RIMBP2: variants seen among roughly 807,000 people sequenced by gnomAD.
The protein encoded by RIMBP2 is RIMS-binding protein 2.
In RIMBP2, 48 loss-of-function variants were observed where a neutral mutation model predicts 118.6. The observed-to-expected ratio is 0.40, with a 90% CI of 0.32 to 0.51. The LOEUF (loss-of-function observed/expected upper bound fraction) is 0.51, where lower values mean the gene tolerates loss of function less well. RIMBP2 is among the 20% of genes least tolerant of loss of function. The probability of loss-of-function intolerance (pLI) is 0.41; values close to 1 mark genes in which losing one functional copy is unlikely to be tolerated. For missense variants in RIMBP2, 1,551 were observed against 1,768.3 expected, an observed-to-expected ratio of 0.88 and a Z score of 2.20; for synonymous variants, 762 against 742.9, an observed-to-expected ratio of 1.03 and a Z score of -0.42.
chr12:130,606,547 C>A (rs751165865), intron 2 of RIMBP2, among the ~76,000 whole-genome samples: 2 of 152,160 alleles, frequency 1.3e-5, no homozygotes, highest in African/African-American at 2.4e-5. Flanking sequence ...GCCAACAAGT[C>A]CCAAAAGGTA....
intron 10 of RIMBP2, among the ~76,000 whole-genome samples, chr12:130,444,297 G>T (rs4463886): frequency 6.6e-6 from 1 of 152,060 alleles, no homozygotes; most frequent in Non-Finnish European, 1.5e-5. Flanking sequence ...GAGGCAGCTC[G>T]ACTGCTGGGC....
At chr12:130,483,829 C>CT (rs2082250871) in intron 4 of RIMBP2, among the ~76,000 whole-genome samples, 1 of 147,516 alleles carries the variant, frequency 6.8e-6, no homozygotes, top group African/African-American at 2.5e-5. Context: ...CCCGGAGCCC[C>CT]GACCCTCACC....
In RIMBP2 at chr12:130,621,605, G is replaced by A. The variant is rs1023770342; in HGVS notation, c.-217+6717C>T. Reference sequence around the variant, plus strand: ...ACCACGGGGCATAGCAAGCCCCAAGGCCTCTCTGAGCCCACGGCTATATCA... The same window carrying A: ...ACCACGGGGCATAGCAAGCCCCAAGACCTCTCTGAGCCCACGGCTATATCA... On this transcript the variant is annotated intron_variant, in intron 2 of 22. Transcript: ENST00000690449. The surrounding 1 kb of genome is among the most constrained non-coding windows in gnomAD (Gnocchi z 6.6). Among the ~76,000 whole-genome samples the A allele has an allele frequency of 2.0e-5, 3 of 152,116 alleles. No homozygotes were observed. Among genetic ancestry groups the A allele is most frequent in the Non-Finnish European group, 2.9e-5 (2 of 68,030 alleles).
At chr12:130,483,988 C>A (rs1002543981) in intron 4 of RIMBP2, among the ~76,000 whole-genome samples, 2 of 152,202 alleles carry the variant, frequency 1.3e-5, no homozygotes, top group African/African-American at 4.8e-5. Flanking sequence ...GCTTCCGCGG[C>A]TCCTGGAAAG....
intron 6 of RIMBP2, among the ~76,000 whole-genome samples, chr12:130,460,598 C>T (rs769236738): frequency 2.0e-5 from 3 of 152,110 alleles, no homozygotes; most frequent in Non-Finnish European, 2.9e-5. Flanking sequence ...CTAGTAGCAA[C>T]AGTATCATTA....
intron 6 of RIMBP2, among the ~76,000 whole-genome samples, chr12:130,458,115 C>G (rs950013059): frequency 6.6e-6 from 1 of 151,384 alleles, no homozygotes; most frequent in Non-Finnish European, 1.5e-5. Context: ...TCCTCTCCCC[C>G]ACTATCCCTC....
In RIMBP2 at chr12:130,442,278, G is replaced by A. The variant is rs1417273262; in HGVS notation, c.1074C>T (p.Arg358=). 6.2e-7 allele frequency: 1 copy of A among 1,614,190 alleles called. No individual in the cohort carries two copies. The highest frequency in any genetic ancestry group is 1.1e-5 in the South Asian group (1 of 91,084). Residue 358 remains arginine, a synonymous_variant, in exon 11 of 23, where the codon CGC becomes CGT. Coordinates refer to ENST00000690449, the MANE Select transcript of RIMBP2 (RefSeq NM_001393629.1). This position sits in a 1 kb window ranked among gnomAD's most constrained non-coding sequence, Gnocchi z 6.9. ...SYNVLVDKET[R]MNLTLGSRTK... ...TTCTGCTCCCCAGCGTGAGGTTCAT[G>A]CGTGTCTCCTTGTCCACCAGGACGT...
In RIMBP2 at chr12:130,446,110, C is replaced by T. The variant is rs1422012047; in HGVS notation, c.582-841G>A. 2.0e-5 allele frequency among the ~76,000 whole-genome samples: 3 copies of T among 150,944 alleles called. No individual in the cohort carries two copies. The highest frequency in any genetic ancestry group is 4.4e-5 in the Non-Finnish European group (3 of 67,972). On this transcript the variant is annotated intron_variant, in intron 9 of 22. Coordinates refer to ENST00000690449, the MANE Select transcript of RIMBP2 (RefSeq NM_001393629.1). The surrounding 1 kb of genome is among the most constrained non-coding windows in gnomAD (Gnocchi z 4.1). ...TAATAATTTTCAAAGCCGTGTCCAA[C>T]TTGGAAAATCAAACACATGAAACAA...
chr12:130,438,334 A>ATCCGGGGGGCCCCCCCCC, intron 12 of RIMBP2, 31 bp downstream of exon 12: 1 of 1,344,518 alleles, frequency 7.4e-7, no homozygotes, highest in Non-Finnish European at 1.1e-6. Flanking sequence ...GGGCCTAACA[A>ATCCGGGGGGCCCCCCCCC]ACCCTCCCCA....
intron 1 of RIMBP2, among the ~76,000 whole-genome samples, chr12:130,672,313 G>A (rs963425772): frequency 6.6e-6 from 1 of 152,156 alleles, no homozygotes; most frequent in African/African-American, 2.4e-5. Flanking sequence ...TAAATCACTC[G>A]CTTGGCAGCA....
intron 1 of RIMBP2, among the ~76,000 whole-genome samples, chr12:130,647,596 AG>A (rs1484680686): frequency 1.4e-5 from 2 of 144,894 alleles, no homozygotes; most frequent in African/African-American, 4.9e-5. Flanking sequence ...TTTCTTCCTG[AG>A]GGGCCTGGAG....
chr12:130,610,849 C>T (rs1459704974), intron 2 of RIMBP2, among the ~76,000 whole-genome samples: 2 of 152,116 alleles, frequency 1.3e-5, no homozygotes, highest in African/African-American at 4.8e-5. Flanking sequence ...CGTGAGCCAC[C>T]GCGCCCGGCC....
chr12:130,642,613 C>T lies in RIMBP2; in HGVS notation c.-351-14157G>A, dbSNP rs542257619. On this transcript the variant is annotated intron_variant, in intron 1 of 22. Coordinates refer to ENST00000690449, the MANE Select transcript of RIMBP2 (RefSeq NM_001393629.1). ...GTTTAGTCTTATAAGTCAGACTATC[C>T]GACTAGGAATAATAACCTTTATTAC... 6.2e-4 allele frequency among the ~76,000 whole-genome samples: 94 copies of T among 152,258 alleles called. 1 individual carries two copies. Among genetic ancestry groups the T allele is most frequent in the Admixed American group, 5.9e-4 (9 of 15,290 alleles).
intron 2 of RIMBP2, among the ~76,000 whole-genome samples, chr12:130,541,562 G>T (rs747971824): frequency 5.9e-5 from 9 of 152,210 alleles, no homozygotes; most frequent in Non-Finnish European, 1.3e-4. Context: ...ATTGAATATA[G>T]ATGTTTACTC....
intron 6 of RIMBP2, among the ~76,000 whole-genome samples, chr12:130,466,992 T>C (rs1345511313): frequency 6.6e-6 from 1 of 152,216 alleles, no homozygotes; most frequent in Admixed American, 6.5e-5. Context: ...GTCTCTTCTC[T>C]ACCTATTGAA....
At chr12:130,406,054 C>T in intron 21 of RIMBP2, 118 bp downstream of exon 21, 1 of 660,972 alleles carries the variant, frequency 1.5e-6, no homozygotes, top group Non-Finnish European at 2.7e-6. Flanking sequence ...AAGCTATCAG[C>T]AGGCGTATGA....
chr12:130,411,390 G>A (rs1363759720), intron 19 of RIMBP2, among the ~76,000 whole-genome samples: 1 of 152,126 alleles, frequency 6.6e-6, no homozygotes, highest in Non-Finnish European at 1.5e-5. Flanking sequence ...AGTATGATGT[G>A]GAAAAGGAGT....
intron 4 of RIMBP2, among the ~76,000 whole-genome samples, chr12:130,490,815 C>A (rs1187666993): frequency 6.6e-6 from 1 of 152,168 alleles, no homozygotes. Context: ...ACCGGCCAGT[C>A]CACAGGACTA....
chr12:130,432,400 C>A, intron 14 of RIMBP2: 1 of 432,010 alleles, frequency 2.3e-6, no homozygotes, highest in Non-Finnish European at 4.6e-6. Flanking sequence ...ATGTAATACA[C>A]AGAAAGCCTC....
Sources: gnomAD v4.1 joint callset for allele counts (sites outside exome capture counted in the v4.1 genomes callset) on GRCh38, gnomAD v4.1.1 for gene constraint, Gnocchi (gnomAD v3.1) non-coding constraint, MANE v1.5 for transcripts, NCBI Gene and HGNC (gene_info 2026-07-23, HGNC 2026-07-21) for gene names.